Variants in RIMS2 observed in about 807,000 individuals in gnomAD.
The protein encoded by RIMS2 is regulating synaptic membrane exocytosis protein 2.
Under a neutral mutation model 174.4 loss-of-function variants are expected in RIMS2, and 59 were observed. That is an observed-to-expected ratio of 0.34 (90% CI 0.27 to 0.42). RIMS2 has a LOEUF of 0.42. Ranked by LOEUF, RIMS2 falls within the 10% of genes least tolerant of loss-of-function variation. The pLI is 1.00. For missense variants in RIMS2, 1,620 were observed against 1,666.3 expected, an observed-to-expected ratio of 0.97 and a Z score of 0.48; for synonymous variants, 606 against 572.5, an observed-to-expected ratio of 1.06 and a Z score of -0.84.
chr8:104,182,520 T>TC (rs1404512783), intron 19 of RIMS2, among the ~76,000 whole-genome samples: 1 of 151,616 alleles, frequency 6.6e-6, no homozygotes, highest in Non-Finnish European at 1.5e-5. Context: ...TAGCTATTCC[T>TC]CCCCCTCCTC....
intron 16 of RIMS2, among the ~76,000 whole-genome samples, chr8:103,983,578 C>A (rs1163589392): frequency 6.6e-6 from 1 of 152,066 alleles, no homozygotes; most frequent in East Asian, 1.9e-4. Context: ...CAATAGAGAA[C>A]CCAGAAACAA....
chr8:103,676,558 C>CT (rs2096816305), intron 1 of RIMS2, among the ~76,000 whole-genome samples: 1 of 147,070 alleles, frequency 6.8e-6, no homozygotes, highest in Non-Finnish European at 1.5e-5. Flanking sequence ...GTTGCTTAAG[C>CT]TTTTTATTTG....
chr8:103,572,046 A>G (rs533206926), intron 1 of RIMS2, among the ~76,000 whole-genome samples: 1 of 152,138 alleles, frequency 6.6e-6, no homozygotes, highest in Non-Finnish European at 1.5e-5. Flanking sequence ...GGACCCTCGC[A>G]GTGAGTGTTA....
chr8:103,584,874 C>A (rs996402396), intron 1 of RIMS2, among the ~76,000 whole-genome samples: 2 of 151,948 alleles, frequency 1.3e-5, no homozygotes, highest in African/African-American at 4.8e-5. Flanking sequence ...CAGGAGTAAG[C>A]CCTTACTTAT....
intron 19 of RIMS2, among the ~76,000 whole-genome samples, chr8:104,053,657 T>G (rs2096824958): frequency 6.6e-6 from 1 of 152,230 alleles, no homozygotes; most frequent in African/African-American, 2.4e-5. Flanking sequence ...AGTTTAACAC[T>G]GTATTCGGTA....
At chr8:103,603,989 G>C (rs1340619708) in intron 1 of RIMS2, among the ~76,000 whole-genome samples, 1 of 148,824 alleles carries the variant, frequency 6.7e-6, no homozygotes, top group African/African-American at 2.5e-5. Context: ...CTGTGCAGAA[G>C]CTCTTTAGTT....
At chr8:103,603,480 C>A (rs1057492699) in intron 1 of RIMS2, among the ~76,000 whole-genome samples, 3 of 151,410 alleles carry the variant, frequency 2.0e-5, no homozygotes, top group African/African-American at 7.3e-5. Context: ...GTCTTTATAG[C>A]AGCATGATTT....
chr8:104,005,307 G>T (rs1235283086), intron 17 of RIMS2, among the ~76,000 whole-genome samples: 1 of 152,194 alleles, frequency 6.6e-6, no homozygotes, highest in Non-Finnish European at 1.5e-5. Context: ...TATGATTCGG[G>T]GGGTAATTGT....
chr8:104,200,922 A>G (rs1160041838), intron 19 of RIMS2, among the ~76,000 whole-genome samples: 2 of 152,130 alleles, frequency 1.3e-5, no homozygotes, highest in African/African-American at 2.4e-5. Flanking sequence ...CAAAAACAAC[A>G]TCAACAAAAC....
intron 2 of RIMS2, among the ~76,000 whole-genome samples, chr8:103,706,207 T>G (rs1321897782): frequency 2.0e-5 from 3 of 152,188 alleles, no homozygotes; most frequent in African/African-American, 7.2e-5. Context: ...AACTACACTT[T>G]AGCTTCATTT....
chr8:103,517,921 T>TAA (rs5893659), intron 1 of RIMS2, among the ~76,000 whole-genome samples: 117 of 148,678 alleles, frequency 7.9e-4, no homozygotes, highest in East Asian at 1.6e-3. Flanking sequence ...GCTGATGAGC[T>TAA]AAAAAAAAAA....
chr8:103,508,232 C>T lies in RIMS2; in HGVS notation c.176+7170C>T, dbSNP rs555704050. On this transcript the variant is annotated intron_variant, in intron 1 of 23. Transcript: ENST00000504942. ...TTCTTAAGGAGCTCATTGTAAGAAA[C>T]GTGATAAACCACATGAAAATTTTGC... 7.2e-5 allele frequency among the ~76,000 whole-genome samples: 11 copies of T among 152,008 alleles called. No homozygotes were observed. In the East Asian group the frequency reaches 2.1e-3, roughly 29 times the overall value.
intron 3 of RIMS2, among the ~76,000 whole-genome samples, chr8:103,847,660 G>A (rs1593698188): frequency 1.3e-5 from 2 of 152,112 alleles, no homozygotes; most frequent in African/African-American, 2.4e-5. Flanking sequence ...TGAATTACTG[G>A]CCTTTACAAG....
chr8:103,521,679 T>C (rs1413190770), intron 1 of RIMS2, among the ~76,000 whole-genome samples: 1 of 152,078 alleles, frequency 6.6e-6, no homozygotes, highest in African/African-American at 2.4e-5. Context: ...TGATTTTTGC[T>C]CCGGTGTCAT....
chr8:104,054,105 G>A (rs184296271), intron 19 of RIMS2, among the ~76,000 whole-genome samples: 1 of 152,172 alleles, frequency 6.6e-6, no homozygotes, highest in East Asian at 1.9e-4. Flanking sequence ...TAAAAACTCG[G>A]TCCAGTTTCT....
At chr8:103,918,854 TC>T (rs767437989) in intron 9 of RIMS2, among the ~76,000 whole-genome samples, 3 of 152,036 alleles carry the variant, frequency 2.0e-5, no homozygotes, top group Non-Finnish European at 4.4e-5. Context: ...CAAAAATTCA[TC>T]CCCAAAACTT....
chr8:103,572,481 T>A (rs1195222746), intron 1 of RIMS2, among the ~76,000 whole-genome samples: 1 of 152,184 alleles, frequency 6.6e-6, no homozygotes, highest in Admixed American at 6.5e-5. Flanking sequence ...CTCAAGCTGC[T>A]TTCTACAGGG....
intron 10 of RIMS2, among the ~76,000 whole-genome samples, chr8:103,924,876 A>G (rs1384760969): frequency 6.6e-6 from 1 of 151,608 alleles, no homozygotes; most frequent in Non-Finnish European, 1.5e-5. Context: ...TTATTATTCT[A>G]GAGCATAACA....
intron 2 of RIMS2, among the ~76,000 whole-genome samples, chr8:103,710,362 G>A (rs1022379140): frequency 6.6e-5 from 10 of 152,020 alleles, no homozygotes; most frequent in African/African-American, 1.9e-4. Context: ...TTCTCTTGAG[G>A]TACATTTAGG....
Sources: allele counts gnomAD v4.1 joint callset (sites outside exome capture counted in the v4.1 genomes callset), GRCh38; gene constraint gnomAD v4.1.1; transcripts MANE v1.5; gene names NCBI Gene and HGNC (gene_info 2026-07-23, HGNC 2026-07-21).